Variants in ZNF610 observed in about 807,000 individuals in gnomAD.
ZNF610 encodes zink finger protein.
Under a neutral mutation model 14.1 loss-of-function variants are expected in ZNF610, and 14 were observed. The ratio of observed to expected loss-of-function variants is 0.99; its 90% CI spans 0.65 to 1.55. The LOEUF is 1.55. ZNF610 is among the 40% of genes most tolerant of loss of function. The probability of loss-of-function intolerance (pLI) is 0.00; values close to 1 mark genes in which losing one functional copy is unlikely to be tolerated. For synonymous variants in ZNF610, 185 were observed against 187.6 expected, an observed-to-expected ratio of 0.99 and a Z score of 0.11; for missense variants, 530 against 558.0, an observed-to-expected ratio of 0.95 and a Z score of 0.51.
rs1410732684 is a variant in ZNF610 at position 52,353,800 on chromosome 19, T to A, written c.182T>A (p.Val61Asp). 2.5e-6 allele frequency: 4 copies of A among 1,611,790 alleles called. No homozygotes were observed. Among genetic ancestry groups the A allele is most frequent in the Admixed American group, 1.7e-5 (1 of 59,452 alleles). ...DVMLENYRNL[V>D]FLGICLPDLS... ...ATGTTGGAGAACTACAGGAACCTGG[T>A]CTTTCTGGGTGAGGATGACTTCCCT... Residue 61 changes from valine (V) to aspartate (D), a missense_variant, in exon 4 of 6, where the codon GTC (valine) becomes GAC (aspartate). By Grantham distance (152) the Val-to-Asp change is radical (BLOSUM62 -3). Coordinates refer to ENST00000403906, the MANE Select transcript of ZNF610 (RefSeq NM_001161425.2).
At chr19:52,346,412 C>T (rs1600232057) in intron 1 of ZNF610, among the ~76,000 whole-genome samples, 2 of 152,140 alleles carry the variant, frequency 1.3e-5, no homozygotes, top group South Asian at 4.1e-4. Flanking sequence ...ATCTGCCCGC[C>T]TCGGCCTCCC....
chr19:52,354,173 TC>T, intron 4 of ZNF610, 77 bp from the exon 5 acceptor site: 3 of 1,568,210 alleles, frequency 1.9e-6, no homozygotes, highest in Middle Eastern at 2.0e-4. Context: ...ATTTGCGATA[TC>T]CCCTCTCTTA....
chr19:52,352,834 GT>G (rs11418927), intron 3 of ZNF610, among the ~76,000 whole-genome samples: 1 of 151,472 alleles, frequency 6.6e-6, no homozygotes, highest in East Asian at 1.9e-4. Flanking sequence ...TTAATATCAT[GT>G]TTTTTTTGTT....
At chr19:52,354,606 T>TTTCCCCCC (rs1985439609) in intron 5 of ZNF610, among the ~76,000 whole-genome samples, 1 of 132,184 alleles carries the variant, frequency 7.6e-6, no homozygotes, top group Admixed American at 7.5e-5. Context: ...TTTTTTTTTG[T>TTTCCCCCC]CTCACTCCGT....
Position 52,365,867 on chromosome 19 carries a change from A to G in ZNF610, c.489A>G (p.Pro163=), listed in dbSNP as rs1406622911. 1 of 1,613,412 alleles carries G rather than the reference A, an allele frequency of 6.2e-7. No homozygotes were observed. The highest frequency in any genetic ancestry group is 2.2e-5 in the East Asian group (1 of 44,880). ...KFTNHRSSVS[P]LQKISSSFTT... ...CAAACCATCGTTCCTCAGTTTCACC[A>G]CTTCAAAAAATTTCTTCTAGTTTCA... The change falls in exon 6 of 6, where the codon CCA becomes CCG. Residue 163 remains proline (P), a synonymous_variant. Coordinates refer to ENST00000403906, the MANE Select transcript of ZNF610 (RefSeq NM_001161425.2).
chr19:52,348,339 G>A (rs1259323732), intron 2 of ZNF610: 1 of 152,164 alleles, frequency 6.6e-6, no homozygotes, highest in Non-Finnish European at 1.5e-5. Flanking sequence ...TAAATGCTAT[G>A]TAGTTGTTAT....
intron 1 of ZNF610, among the ~76,000 whole-genome samples, chr19:52,340,497 T>G (rs1021287282): frequency 6.6e-6 from 1 of 152,108 alleles, no homozygotes; most frequent in African/African-American, 2.4e-5. Flanking sequence ...GGGAAGAGAC[T>G]TGGCCCACCA....
rs1165377449 is a variant in ZNF610, at chr19:52,367,485, TACCTC to T, written c.*720_*724del. ...CCTTTCTACCAGCGTTGTTTAATCT[TACCTC>T]AGGAGGATACTTTATAGTAGAGAAT... is the stretch of plus-strand genomic sequence containing the variant. On this transcript the variant is annotated 3_prime_UTR_variant, in exon 6 of 6. Transcript: ENST00000403906. 1 of 152,246 alleles carries T rather than the reference TACCTC, an allele frequency of 6.6e-6. No homozygotes were observed. The highest frequency in any genetic ancestry group is 1.5e-5 in the Non-Finnish European group (1 of 68,060). The allele number at this position is 152,246 out of a possible 1,614,324, so 9.4% of individuals were successfully genotyped here.
rs535836165 is a variant in ZNF610 at position 52,352,093 on chromosome 19, T to A, written c.64-1589T>A. ...CCTGTGTCTTGCTGACATTACTCTT[T>A]TAGTAGAGTTGCGAATTTCTTACAC... is the stretch of plus-strand genomic sequence containing the variant. On this transcript the variant is annotated intron_variant, in intron 3 of 5. Coordinates refer to ENST00000403906, the MANE Select transcript of ZNF610 (RefSeq NM_001161425.2). Among the ~76,000 whole-genome samples the A allele has an allele frequency of 3.3e-5, 5 of 152,328 alleles. No individual in the cohort carries two copies. In the East Asian group the frequency reaches 9.6e-4, roughly 29 times the overall value.
rs753778393 is a variant in ZNF610 at position 52,366,394 on chromosome 19, C to A, written c.1016C>A (p.Thr339Lys). 6.2e-7 allele frequency: 1 copy of A among 1,613,982 alleles called. No homozygotes were observed. The highest frequency in any genetic ancestry group is 1.1e-5 in the South Asian group (1 of 91,060). ...FSLTNHQRSH[T>K]AEKPYKCNEC... is the part of the protein sequence containing the mutation. ...CTAACCAATCATCAGAGAAGTCACA[C>A]GGCGGAAAAACCTTACAAATGTAAT... Residue 339 changes from threonine to lysine, a missense_variant, in exon 6 of 6, where the codon ACG (threonine) becomes AAG (lysine). Thr to Lys is a moderately conservative substitution (Grantham distance 78). Coordinates refer to ENST00000403906, the MANE Select transcript of ZNF610 (RefSeq NM_001161425.2).
intron 5 of ZNF610, among the ~76,000 whole-genome samples, chr19:52,359,762 A>G (rs746269832): frequency 6.6e-6 from 1 of 152,140 alleles, no homozygotes; most frequent in Non-Finnish European, 1.5e-5. Flanking sequence ...AGATAGTGTC[A>G]GATCCCACGG....
At chr19:52,351,719 GC>G (rs1161265468) in intron 3 of ZNF610, among the ~76,000 whole-genome samples, 1 of 152,184 alleles carries the variant, frequency 6.6e-6, no homozygotes, top group East Asian at 1.9e-4. Flanking sequence ...CCTAGTATCT[GC>G]CCGTGTAACT....
chr19:52,338,998 A>G lies in ZNF610; in HGVS notation c.-258+2492A>G, dbSNP rs527709302. ...ACCATCTCGGAGAGGGGGATGTGGC[A>G]GGACAAAGGTAATAGTGGGGAGAGG... On this transcript the variant is annotated intron_variant, in intron 1 of 5. Transcript: ENST00000403906. 3.9e-5 allele frequency among the ~76,000 whole-genome samples: 6 copies of G among 152,102 alleles called. No homozygotes were observed. The East Asian group carries it at 1.2e-3, about 30-fold the overall frequency.
chr19:52,345,892 G>C (rs1218966881), intron 1 of ZNF610, among the ~76,000 whole-genome samples: 1 of 151,220 alleles, frequency 6.6e-6, no homozygotes, highest in East Asian at 2.0e-4. Context: ...TTTTAGTAGA[G>C]ACGGGGTTTC....
Position 52,336,318 on chromosome 19 carries a change from TG to T in ZNF610, c.-443del. On this transcript the variant is annotated 5_prime_UTR_variant, in exon 1 of 6. Transcript: ENST00000403906. Reference sequence around the variant, plus strand: ...AGTTTCCCTTTGTTTAGATTCAATCTGGGCTTCCCAGCTCCCCCGCGCTTCT... The same window carrying T: ...AGTTTCCCTTTGTTTAGATTCAATCTGGCTTCCCAGCTCCCCCGCGCTTCT... 1 of 289,912 alleles carries T rather than the reference TG, an allele frequency of 3.4e-6. No homozygotes were observed. 18.0% of individuals were successfully genotyped at this position (289,912 alleles called of 1,614,324 possible).
chr19:52,353,679 T>C lies in ZNF610; in HGVS notation c.64-3T>C, dbSNP rs747697905. 1.2e-6 allele frequency: 2 copies of C among 1,613,570 alleles called. No homozygotes were observed. The highest frequency in any genetic ancestry group is 2.7e-5 in the African/African-American group (2 of 74,932). On this transcript the variant is annotated splice_polypyrimidine_tract_variant and splice_region_variant and intron_variant, in intron 3 of 5. Transcript: ENST00000403906. ...GTTGTAAACAATGTGGTCCTCATTTTAGGGACGCTTGACATTCATGGACGT... is the reference window on the plus strand; with the variant it reads ...GTTGTAAACAATGTGGTCCTCATTTCAGGGACGCTTGACATTCATGGACGT...
intron 1 of ZNF610, chr19:52,345,691 A>G (rs1281069341): frequency 6.6e-6 from 1 of 151,820 alleles, no homozygotes; most frequent in African/African-American, 2.4e-5. Context: ...GTGTTTATTT[A>G]TTTATTTTAT....
In ZNF610 at chr19:52,349,151, T is replaced by A; in HGVS notation, c.-19-3T>A. The A allele has an allele frequency of 6.2e-7, 1 of 1,610,200 alleles. No individual in the cohort carries two copies. Among genetic ancestry groups the A allele is most frequent in the South Asian group, 1.1e-5 (1 of 90,978 alleles). On this transcript the variant is annotated splice_polypyrimidine_tract_variant and splice_region_variant and intron_variant, in intron 2 of 5. Coordinates refer to ENST00000403906, the MANE Select transcript of ZNF610 (RefSeq NM_001161425.2). ...CAGTAATCAGTGTATTTTTGACATT[T>A]AGGATTGACTTATAAACAGTCATGC... is the stretch of plus-strand genomic sequence containing the variant.
intron 3 of ZNF610, among the ~76,000 whole-genome samples, chr19:52,351,700 G>A (rs899838225): frequency 1.1e-4 from 16 of 152,106 alleles, no homozygotes; most frequent in Admixed American, 7.9e-4. Flanking sequence ...GCTGGGGTCC[G>A]CACCGCCACC....
Sources: allele counts gnomAD v4.1 joint callset (sites outside exome capture counted in the v4.1 genomes callset), GRCh38; gene constraint gnomAD v4.1.1; transcripts MANE v1.5; gene names NCBI Gene and HGNC (gene_info 2026-07-23, HGNC 2026-07-21).